EPB41L2: variants seen among roughly 807,000 people sequenced by gnomAD.
EPB41L2 encodes the protein band 4.1-like protein 2.
EPB41L2 carries 43 observed loss-of-function variants against 113.0 expected under a neutral mutation model. The observed-to-expected ratio is 0.38, with a 90% CI of 0.30 to 0.49. EPB41L2 has a LOEUF of 0.49. Ranked by LOEUF, EPB41L2 falls within the 20% of genes least tolerant of loss-of-function variation. EPB41L2 has a pLI of 0.95. For missense variants in EPB41L2, 1,147 were observed against 1,223.4 expected (o/e 0.94, Z 0.93); for synonymous variants, 442 against 436.7 (o/e 1.01, Z -0.15).
chr6:130,955,333 A>G lies in EPB41L2; in HGVS notation c.493-16T>C, dbSNP rs45550834. On this transcript the variant is annotated splice_polypyrimidine_tract_variant and intron_variant, in intron 2 of 19. Coordinates refer to ENST00000337057, the MANE Select transcript of EPB41L2 (RefSeq NM_001431.4). Reference sequence around the variant, plus strand: ...ATTCAGTAGGCTGTTGAGGAAAAAAAAATAAATTCATACTATAGTCAACCA... The same window carrying G: ...ATTCAGTAGGCTGTTGAGGAAAAAAGAATAAATTCATACTATAGTCAACCA... The G allele has an allele frequency of 0.39, 627,623 of 1,610,704 alleles. 134,726 individuals are homozygous for G. The highest frequency in any genetic ancestry group is 0.92 in the East Asian group (41,250 of 44,850).
chr6:131,050,263 C>A (rs1384270450), intron 1 of EPB41L2, among the ~76,000 whole-genome samples: 1 of 152,006 alleles, frequency 6.6e-6, no homozygotes, highest in African/African-American at 2.4e-5. Context: ...CGCTTGAACC[C>A]GGGAGGCAGA....
intron 3 of EPB41L2, among the ~76,000 whole-genome samples, chr6:130,948,582 TCAG>T (rs1311719990): frequency 7.2e-5 from 11 of 152,084 alleles, no homozygotes; most frequent in African/African-American, 2.4e-4. Context: ...GTCACTAATC[TCAG>T]TAGTACTAAA....
chr6:130,857,694 T>C (rs1311212699), intron 19 of EPB41L2, among the ~76,000 whole-genome samples: 1 of 151,748 alleles, frequency 6.6e-6, no homozygotes, highest in Non-Finnish European at 1.5e-5. Flanking sequence ...AAGTATGGGA[T>C]TACAGGCATG....
chr6:130,967,039 G>A (rs1775410033), intron 1 of EPB41L2, among the ~76,000 whole-genome samples: 1 of 152,030 alleles, frequency 6.6e-6, no homozygotes, highest in Non-Finnish European at 1.5e-5. Flanking sequence ...CAAGCTTTTA[G>A]TGCAGCAACA....
chr6:131,045,851 A>C (rs188820880), intron 1 of EPB41L2, among the ~76,000 whole-genome samples: 103 of 152,268 alleles, frequency 6.8e-4, no homozygotes, highest in South Asian at 4.6e-3. Flanking sequence ...AAAAACCACA[A>C]GAGATTTTTT....
intron 15 of EPB41L2, chr6:130,867,832 A>T (rs1784301147): frequency 2.4e-6 from 1 of 413,762 alleles, no homozygotes; most frequent in East Asian, 5.1e-5. Context: ...GTATGTGTAC[A>T]TACACATATA....
intron 19 of EPB41L2, among the ~76,000 whole-genome samples, chr6:130,855,404 A>T (rs1389134557): frequency 6.6e-6 from 1 of 152,174 alleles, no homozygotes; most frequent in Non-Finnish European, 1.5e-5. Flanking sequence ...AAAGATAAAA[A>T]GATCAATATC....
At chr6:130,859,072 C>G (rs75220383) in intron 18 of EPB41L2, among the ~76,000 whole-genome samples, 12 of 152,174 alleles carry the variant, frequency 7.9e-5, no homozygotes, top group Non-Finnish European at 1.8e-4. Flanking sequence ...CAAAGTTTCT[C>G]TGTGTTTTAT....
Position 130,889,308 on chromosome 6 carries a change from T to G in EPB41L2, c.1660+986A>C, listed in dbSNP as rs3777445. Among the ~76,000 whole-genome samples the G allele has an allele frequency of 3.3e-5, 5 of 152,120 alleles. No individual in the cohort carries two copies. In the East Asian group the frequency reaches 9.6e-4, roughly 29 times the overall value. On this transcript the variant is annotated intron_variant, in intron 11 of 19. Coordinates refer to ENST00000337057, the MANE Select transcript of EPB41L2 (RefSeq NM_001431.4). The stretch of plus-strand genomic sequence containing the variant: ...AGGCATTCTAATATAAATTTAACCT[T>G]AGCTCTTTTATAGAAAACCTATTAT...
chr6:130,941,500 G>A (rs762032601), intron 3 of EPB41L2, among the ~76,000 whole-genome samples: 15 of 152,180 alleles, frequency 9.9e-5, no homozygotes, highest in Admixed American at 2.0e-4. Context: ...GCAAACTTCT[G>A]TAGGCTAGCA....
chr6:130,868,803 AG>A (rs1418559215), intron 15 of EPB41L2: 3 of 152,240 alleles, frequency 2.0e-5, no homozygotes, highest in Non-Finnish European at 4.4e-5. Flanking sequence ...TTCTTTGAAA[AG>A]AAAAAGATTC....
intron 1 of EPB41L2, among the ~76,000 whole-genome samples, chr6:131,053,137 C>A (rs1796893460): frequency 6.6e-6 from 1 of 152,062 alleles, no homozygotes; most frequent in East Asian, 1.9e-4. Flanking sequence ...CTCAGGTGAT[C>A]TGCCCGCCTC....
At chr6:130,976,895 C>T (rs1202770540) in intron 1 of EPB41L2, among the ~76,000 whole-genome samples, 2 of 152,110 alleles carry the variant, frequency 1.3e-5, no homozygotes, top group East Asian at 3.9e-4. Flanking sequence ...AAGTTCTTGC[C>T]CACAAGAATC....
At chr6:130,947,444 T>C (rs1198037529) in intron 3 of EPB41L2, among the ~76,000 whole-genome samples, 1 of 152,112 alleles carries the variant, frequency 6.6e-6, no homozygotes, top group Non-Finnish European at 1.5e-5. Context: ...CATAAAGAAA[T>C]ACAATATTTG....
intron 14 of EPB41L2, 192 bp from the exon 15 acceptor site, chr6:130,870,318 A>C (rs1290986666): frequency 6.4e-7 from 1 of 1,550,542 alleles, no homozygotes; most frequent in African/African-American, 1.4e-5. Context: ...ACATGGAAAA[A>C]GGGGAGAACC....
intron 1 of EPB41L2, among the ~76,000 whole-genome samples, chr6:131,000,151 C>CT (rs35432319): frequency 0.32 from 46,775 of 148,292 alleles, 8,096 homozygotes; most frequent in African/African-American, 0.49. Flanking sequence ...GGAATAGTGG[C>CT]TTTTTAAAAA....
chr6:130,864,852 T>C (rs1447795503), intron 17 of EPB41L2, among the ~76,000 whole-genome samples: 1 of 152,178 alleles, frequency 6.6e-6, no homozygotes, highest in Non-Finnish European at 1.5e-5. Context: ...CTTTAGACAC[T>C]TATCCAAAGT....
At chr6:131,017,225 A>G (rs57155718) in intron 1 of EPB41L2, among the ~76,000 whole-genome samples, 1,700 of 152,320 alleles carry the variant, frequency 0.011, 39 homozygotes, top group African/African-American at 0.036. Flanking sequence ...AGTGTTTTAC[A>G]TTTTAACATT....
intron 3 of EPB41L2, among the ~76,000 whole-genome samples, chr6:130,942,848 G>A (rs548057760): frequency 8.5e-5 from 13 of 152,208 alleles, no homozygotes; most frequent in Middle Eastern, 3.4e-3. Flanking sequence ...GAGAACATGC[G>A]GTGTTTGGTT....
Sources: gnomAD v4.1 joint callset for allele counts (sites outside exome capture counted in the v4.1 genomes callset) on GRCh38, gnomAD v4.1.1 for gene constraint, MANE v1.5 for transcripts, NCBI Gene and HGNC (gene_info 2026-07-23, HGNC 2026-07-21) for gene names.